The following KHDRBS2 variants were observed in gnomAD, a reference collection of about 807,000 sequenced individuals.
The protein encoded by KHDRBS2 is KH RNA binding domain containing, signal transduction associated 2, also known as KH domain-containing, RNA-binding, signal transduction-associated protein 2.
Under a neutral mutation model 44.3 loss-of-function variants are expected in KHDRBS2, and 26 were observed. That is an observed-to-expected ratio of 0.59 (90% CI 0.43 to 0.81). The LOEUF is 0.81. Among genes scored for constraint, KHDRBS2 ranks in the 40% least tolerant of loss-of-function variants. The pLI is 0.00. For missense variants in KHDRBS2, 476 were observed against 433.1 expected (o/e 1.10, Z -0.88); for synonymous variants, 194 against 151.1 (o/e 1.28, Z -2.08).
chr6:62,137,638 T>C (rs1019078221), intron 2 of KHDRBS2, among the ~76,000 whole-genome samples: 2 of 152,178 alleles, frequency 1.3e-5, no homozygotes, highest in Non-Finnish European at 2.9e-5. Flanking sequence ...AAAGAGCCAC[T>C]GCTTTCTACC....
chr6:61,903,488 TATA>T (rs1215019181), intron 4 of KHDRBS2, among the ~76,000 whole-genome samples: 1 of 152,196 alleles, frequency 6.6e-6, no homozygotes, highest in Admixed American at 6.6e-5. Context: ...TTATTCATTT[TATA>T]ATAATAAGAT....
intron 2 of KHDRBS2, among the ~76,000 whole-genome samples, chr6:62,071,110 A>G (rs1397031824): frequency 1.3e-5 from 2 of 151,886 alleles, no homozygotes; most frequent in Non-Finnish European, 2.9e-5. Flanking sequence ...CATTTTTTTC[A>G]TGTGTCTTTT....
At chr6:62,262,498 T>A (rs1838518990) in intron 1 of KHDRBS2, among the ~76,000 whole-genome samples, 1 of 151,934 alleles carries the variant, frequency 6.6e-6, no homozygotes, top group Admixed American at 6.6e-5. Flanking sequence ...AATACTCATA[T>A]TAATCCATAT....
the KHDRBS2 span, among the ~76,000 whole-genome samples, chr6:61,607,520 C>CAAAAGAAAAAAAA: frequency 2.4e-5 from 1 of 41,098 alleles, no homozygotes; most frequent in Non-Finnish European, 4.1e-5. Context: ...GAGTTCCAAG[C>CAAAAGAAAAAAAA]AAAAAAAAAA....
chr6:61,621,413 C>A, the KHDRBS2 span, among the ~76,000 whole-genome samples: 1 of 152,100 alleles, frequency 6.6e-6, no homozygotes, highest in African/African-American at 2.4e-5. Context: ...GACATGAAAC[C>A]AGAGGACTTT....
intron 5 of KHDRBS2, 115 bp downstream of exon 5, chr6:61,901,129 G>A (rs2127342812): frequency 1.1e-6 from 1 of 940,402 alleles, no homozygotes; most frequent in African/African-American, 1.7e-5. Context: ...TTTTGCTGTG[G>A]TGGTAGTGAT....
chr6:62,189,180 A>G (rs1278897620), intron 1 of KHDRBS2, among the ~76,000 whole-genome samples: 2 of 152,000 alleles, frequency 1.3e-5, no homozygotes, highest in Admixed American at 1.3e-4. Flanking sequence ...GAGGGAAGTC[A>G]GGTACCATGT....
intron 2 of KHDRBS2, among the ~76,000 whole-genome samples, chr6:62,052,056 C>T (rs1789190455): frequency 6.6e-6 from 1 of 151,716 alleles, no homozygotes; most frequent in Admixed American, 6.6e-5. Flanking sequence ...ATTGGTATAC[C>T]CAGTACAGAA....
intron 1 of KHDRBS2, among the ~76,000 whole-genome samples, chr6:62,184,850 C>T (rs1410593780): frequency 6.6e-6 from 1 of 151,696 alleles, no homozygotes; most frequent in African/African-American, 2.4e-5. Context: ...TATAAGGTGC[C>T]TCAAATTCAC....
chr6:62,034,693 GAAAAA>G (rs1171214560), intron 3 of KHDRBS2, among the ~76,000 whole-genome samples: 1 of 60,752 alleles, frequency 1.6e-5, no homozygotes. Context: ...ATTCTGAACA[GAAAAA>G]AAAAAAAAAA....
the KHDRBS2 span, among the ~76,000 whole-genome samples, chr6:61,651,552 G>A: frequency 6.6e-6 from 1 of 151,936 alleles, no homozygotes; most frequent in Non-Finnish European, 1.5e-5. Context: ...TTTGGACTTT[G>A]GATTAGGTCT....
chr6:62,106,920 T>C (rs1249636387), intron 2 of KHDRBS2, among the ~76,000 whole-genome samples: 1 of 151,772 alleles, frequency 6.6e-6, no homozygotes, highest in Non-Finnish European at 1.5e-5. Flanking sequence ...TCTCAATAAA[T>C]TAGGTATTGA....
At chr6:61,890,924 T>A (rs6918047) in intron 6 of KHDRBS2, among the ~76,000 whole-genome samples, 57,672 of 152,048 alleles carry the variant, frequency 0.38, 11,361 homozygotes, top group East Asian at 0.48. Context: ...TTTCACCTGT[T>A]CAAGTAGAAG....
At chr6:61,646,132 G>A in the KHDRBS2 span, among the ~76,000 whole-genome samples, 2 of 152,144 alleles carry the variant, frequency 1.3e-5, no homozygotes, top group Admixed American at 1.3e-4. Context: ...TTAGAACTGC[G>A]TTCAATCACT....
At chr6:61,975,680 C>CACACAGAG (rs148696826) in intron 4 of KHDRBS2, among the ~76,000 whole-genome samples, 28 of 149,854 alleles carry the variant, frequency 1.9e-4, no homozygotes, top group South Asian at 1.1e-3. Flanking sequence ...CACACACACA[C>CACACAGAG]AGAGAGATAT....
At chr6:61,951,912 G>A (rs1332457609) in intron 4 of KHDRBS2, among the ~76,000 whole-genome samples, 3 of 151,096 alleles carry the variant, frequency 2.0e-5, no homozygotes, top group African/African-American at 2.4e-5. Context: ...AATTTTTTCA[G>A]TTTAAATTCA....
chr6:62,270,232 A>G (rs1392586348), intron 1 of KHDRBS2, among the ~76,000 whole-genome samples: 1 of 151,302 alleles, frequency 6.6e-6, no homozygotes, highest in Non-Finnish European at 1.5e-5. Context: ...TTCTCACTCT[A>G]TTAGTTCACA....
the KHDRBS2 span, among the ~76,000 whole-genome samples, chr6:61,587,027 C>G: frequency 6.6e-6 from 1 of 152,172 alleles, no homozygotes; most frequent in Non-Finnish European, 1.5e-5. Flanking sequence ...TTCACTTTCT[C>G]CTTGCCATTT....
At chr6:61,576,448 A>T in the KHDRBS2 span, among the ~76,000 whole-genome samples, 2 of 152,156 alleles carry the variant, frequency 1.3e-5, no homozygotes, top group Admixed American at 6.6e-5. Flanking sequence ...GAATTCATTA[A>T]TCAAATCTAG....
Sources: gnomAD v4.1 joint callset for allele counts (sites outside exome capture counted in the v4.1 genomes callset) on GRCh38, gnomAD v4.1.1 for gene constraint, MANE v1.5 for transcripts, NCBI Gene and HGNC (gene_info 2026-07-23, HGNC 2026-07-21) for gene names.